The following RABGAP1 variants were observed in gnomAD, a reference collection of about 807,000 sequenced individuals.
RABGAP1 encodes rab GTPase-activating protein 1.
In RABGAP1, 23 loss-of-function variants were observed where a neutral mutation model predicts 137.6. The ratio of observed to expected loss-of-function variants is 0.17; its 90% CI spans 0.12 to 0.24. The LOEUF (loss-of-function observed/expected upper bound fraction) is 0.24, where lower values mean the gene tolerates loss of function less well. Ranked by LOEUF, RABGAP1 falls within the 10% of genes least tolerant of loss-of-function variation. The pLI is 1.00. For synonymous variants in RABGAP1, 451 were observed against 450.7 expected (o/e 1.00, Z -0.01); for missense variants, 906 against 1,275.8 (o/e 0.71, Z 4.42).
At position 123,098,755 on chromosome 9, in the gene RABGAP1, C is replaced by T; in HGVS notation, c.2774C>T (p.Ser925Phe). The change falls in exon 23 of 26, where the codon TCT becomes TTT. Residue 925 changes from serine to phenylalanine, a missense_variant. Transcript: ENST00000373647. The part of the protein sequence containing the change: ...MCRRELDKAE[S>F]EIKKNSSIIG... The stretch of plus-strand genomic sequence containing the variant: ...CGTCGGGAACTCGACAAGGCAGAAT[C>T]TGAGATTAAAAAAAACAGTTCTATC... 3 of 1,613,742 alleles carry T rather than the reference C, an allele frequency of 1.9e-6. No individual in the cohort carries two copies. The highest frequency in any genetic ancestry group is 2.5e-6 in the Non-Finnish European group (3 of 1,179,842).
chr9:122,958,246 C>T (rs1176703245), intron 2 of RABGAP1, among the ~76,000 whole-genome samples: 2 of 152,200 alleles, frequency 1.3e-5, no homozygotes, highest in African/African-American at 4.8e-5. Context: ...TGTCTGCCTC[C>T]CCCAGGCAGC....
intron 6 of RABGAP1, chr9:122,990,741 C>T (rs1379015851): frequency 8.1e-6 from 1 of 123,170 alleles, no homozygotes. Flanking sequence ...TGCACTCCAG[C>T]CTGGGCAACG....
intron 2 of RABGAP1, among the ~76,000 whole-genome samples, chr9:122,978,113 G>A (rs1363040879): frequency 6.7e-6 from 1 of 149,996 alleles, no homozygotes; most frequent in Non-Finnish European, 1.5e-5. Context: ...GTAACGACCA[G>A]CACAGTCAAG....
intron 13 of RABGAP1, among the ~76,000 whole-genome samples, chr9:123,026,738 A>C (rs1267029120): frequency 6.6e-6 from 1 of 152,160 alleles, no homozygotes; most frequent in Non-Finnish European, 1.5e-5. Flanking sequence ...GTTGAAAATG[A>C]AGGGGAAACA....
At chr9:123,000,490 T>C (rs1367902108) in intron 10 of RABGAP1, among the ~76,000 whole-genome samples, 1 of 152,200 alleles carries the variant, frequency 6.6e-6, no homozygotes, top group Non-Finnish European at 1.5e-5. Flanking sequence ...GTCTGTAGCA[T>C]TTGCTTTAGA....
At position 122,944,866 on chromosome 9, in the gene RABGAP1, C is replaced by T. The variant is rs541977724; in HGVS notation, c.-50+3773C>T. ...TGATAGGATTACAAGAGAAAGCCACCGCGCCCGGCCTAAATAATCTTTCTT... is the reference window on the plus strand; with the variant it reads ...TGATAGGATTACAAGAGAAAGCCACTGCGCCCGGCCTAAATAATCTTTCTT... On this transcript the variant is annotated intron_variant, in intron 1 of 25. Coordinates refer to ENST00000373647, the MANE Select transcript of RABGAP1 (RefSeq NM_012197.4). Among the ~76,000 whole-genome samples the T allele has an allele frequency of 5.9e-5, 9 of 152,162 alleles. No homozygotes were observed. The East Asian group carries it at 1.2e-3, about 20-fold the overall frequency.
chr9:122,957,043 A>G lies in RABGAP1; in HGVS notation c.-17A>G. The G allele has an allele frequency of 1.3e-6, 2 of 1,481,634 alleles. No individual in the cohort carries two copies. The highest frequency in any genetic ancestry group is 1.8e-6 in the Non-Finnish European group (2 of 1,096,284). The allele number at this position is 1,481,634 out of a possible 1,614,324, so 91.8% of individuals were successfully genotyped here. A position where few individuals can be genotyped will look rare whatever the true frequency, so the allele number is the denominator to read the frequency against. On this transcript the variant is annotated 5_prime_UTR_variant, in exon 2 of 26. It removes the in-frame stop codon of an upstream open reading frame in the 5' UTR. Coordinates refer to ENST00000373647, the MANE Select transcript of RABGAP1 (RefSeq NM_012197.4). ...AAAATATTTAATCATTCATGTGTTGAGACTCATTCTTGAGTTATGGATGAC... is the reference window on the plus strand; with the variant it reads ...AAAATATTTAATCATTCATGTGTTGGGACTCATTCTTGAGTTATGGATGAC...
chr9:122,970,576 T>C (rs1034097645), intron 2 of RABGAP1, among the ~76,000 whole-genome samples: 1 of 152,222 alleles, frequency 6.6e-6, no homozygotes, highest in African/African-American at 2.4e-5. Flanking sequence ...CAGTACCCAA[T>C]AGATAGTTTT....
chr9:122,942,669 C>CAAAAAAAAAA lies in RABGAP1; in HGVS notation c.-50+1586_-50+1595dup, dbSNP rs10660327. Among the ~76,000 whole-genome samples, 21 of 90,326 alleles carry CAAAAAAAAAA rather than the reference C, an allele frequency of 2.3e-4. 1 individual carries two copies. Among genetic ancestry groups the CAAAAAAAAAA allele is most frequent in the South Asian group, 4.2e-4 (1 of 2,394 alleles). 59.3% of individuals were successfully genotyped at this position (90,326 alleles called of 152,430 possible). On this transcript the variant is annotated intron_variant, in intron 1 of 25. Coordinates refer to ENST00000373647, the MANE Select transcript of RABGAP1 (RefSeq NM_012197.4). Reference sequence around the variant, plus strand: ...TGAGCAACAGAGCGAGACTCCGTCTCAAAAAAAAAAAAAAAAAAACACAAA... The same window carrying CAAAAAAAAAA: ...TGAGCAACAGAGCGAGACTCCGTCTCAAAAAAAAAAAAAAAAAAAAAAAAAAAAACACAAA...
At chr9:123,029,667 C>G (rs2032189080) in intron 13 of RABGAP1, 1 of 701,578 alleles carries the variant, frequency 1.4e-6, no homozygotes, top group Non-Finnish European at 2.7e-6. Flanking sequence ...TCTTTTTGGC[C>G]TTGCCCCCGG....
chr9:122,971,598 A>G (rs1436291611), intron 2 of RABGAP1: 5 of 152,236 alleles, frequency 3.3e-5, no homozygotes, highest in Non-Finnish European at 5.9e-5. Flanking sequence ...AACATTTAAA[A>G]AGAACAAAAT....
the RABGAP1 span, among the ~76,000 whole-genome samples, chr9:122,931,887 T>C: frequency 6.6e-6 from 1 of 152,226 alleles, no homozygotes. Flanking sequence ...GGTAAGTCTT[T>C]TTAGCCTAGG....
chr9:122,990,809 A>ATG (rs1271182804), intron 6 of RABGAP1: 10 of 95,674 alleles, frequency 1.0e-4, no homozygotes, highest in Admixed American at 2.6e-4. Context: ...ATATATATAT[A>ATG]TATATATATA....
chr9:123,013,916 G>C (rs1334916978), intron 11 of RABGAP1, among the ~76,000 whole-genome samples: 3 of 152,090 alleles, frequency 2.0e-5, no homozygotes, highest in Non-Finnish European at 4.4e-5. Context: ...ACAAAATCTA[G>C]AAAGAGCATT....
At chr9:122,956,025 T>G in intron 1 of RABGAP1, among the ~76,000 whole-genome samples, 1 of 152,242 alleles carries the variant, frequency 6.6e-6, no homozygotes, top group African/African-American at 2.4e-5. Flanking sequence ...AGTTTAAGTT[T>G]CATTCCAAGA....
chr9:123,052,073 G>A (rs1460023533), intron 13 of RABGAP1, among the ~76,000 whole-genome samples: 2 of 151,186 alleles, frequency 1.3e-5, no homozygotes, highest in South Asian at 4.2e-4. Context: ...CCAAAGTACT[G>A]GGATTACAGG....
intron 4 of RABGAP1, among the ~76,000 whole-genome samples, chr9:122,988,302 C>G (rs1836471945): frequency 6.6e-6 from 1 of 152,176 alleles, no homozygotes; most frequent in African/African-American, 2.4e-5. Flanking sequence ...TCTAGGCTTT[C>G]CCATTAATGG....
intron 2 of RABGAP1, among the ~76,000 whole-genome samples, chr9:122,967,262 G>A (rs1306177160): frequency 6.6e-6 from 1 of 152,094 alleles, no homozygotes; most frequent in Non-Finnish European, 1.5e-5. Context: ...GTTAGTGTGG[G>A]TTCATTAGTA....
At chr9:123,052,327 T>C (rs1304594062) in intron 13 of RABGAP1, among the ~76,000 whole-genome samples, 2 of 152,150 alleles carry the variant, frequency 1.3e-5, no homozygotes, top group African/African-American at 2.4e-5. Flanking sequence ...CCTCAAAAGG[T>C]TGTTAAGATA....
Sources: allele counts gnomAD v4.1 joint callset (sites outside exome capture counted in the v4.1 genomes callset), GRCh38; gene constraint gnomAD v4.1.1; transcripts MANE v1.5; gene names NCBI Gene and HGNC (gene_info 2026-07-23, HGNC 2026-07-21).